Variants in TMEM181 observed in about 807,000 individuals in gnomAD.
The protein encoded by TMEM181 is transmembrane protein 181, also known as G protein-coupled receptor 178.
In TMEM181, 39 loss-of-function variants were observed where a neutral mutation model predicts 71.9. The observed-to-expected ratio is 0.54, with a 90% CI of 0.42 to 0.71. The LOEUF is 0.71. Among genes scored for constraint, TMEM181 ranks in the 30% least tolerant of loss-of-function variants. TMEM181 has a pLI of 0.00. For missense variants in TMEM181, 595 were observed against 583.0 expected (o/e 1.02, Z -0.21); for synonymous variants, 245 against 228.8 (o/e 1.07, Z -0.64).
Position 158,601,796 on chromosome 6 carries a change from A to G in TMEM181, c.493-3471A>G, listed in dbSNP as rs137992490. On this transcript the variant is annotated intron_variant, in intron 6 of 16. Transcript: ENST00000684151. ...AAAAACAAGGCTAAAAGGATACAAA[A>G]ATTATGTGAAGTAGGTTACTAGCAT... 5.9e-5 allele frequency among the ~76,000 whole-genome samples: 9 copies of G among 152,174 alleles called. No homozygotes were observed. The East Asian group carries it at 1.7e-3, about 29-fold the overall frequency.
rs555580494 is a variant in TMEM181 at position 158,602,563 on chromosome 6, A to C, written c.493-2704A>C. ...CAGTCTTTTGAATTTTGGCTGTTCT[A>C]ATCGGTGTATAATGGTATTTAATGG... On this transcript the variant is annotated intron_variant, in intron 6 of 16. Coordinates refer to ENST00000684151, the MANE Select transcript of TMEM181 (RefSeq NM_001376852.1). Among the ~76,000 whole-genome samples, 16 of 152,086 alleles carry C rather than the reference A, an allele frequency of 1.1e-4. No individual in the cohort carries two copies. In the East Asian group the frequency reaches 1.9e-3, roughly 18 times the overall value.
intron 1 of TMEM181, among the ~76,000 whole-genome samples, chr6:158,550,253 C>G (rs1781675194): frequency 6.6e-6 from 1 of 151,096 alleles, no homozygotes; most frequent in Non-Finnish European, 1.5e-5. Context: ...CCATGTTGGT[C>G]AGGCTGGTCT....
intron 1 of TMEM181, among the ~76,000 whole-genome samples, chr6:158,538,979 A>G (rs1357201994): frequency 1.3e-5 from 2 of 152,228 alleles, no homozygotes; most frequent in African/African-American, 4.8e-5. Flanking sequence ...AGAGCCTTGA[A>G]GGTCAGACTA....
intron 3 of TMEM181, among the ~76,000 whole-genome samples, chr6:158,581,253 A>G (rs150598013): frequency 6.6e-6 from 1 of 152,198 alleles, no homozygotes. Flanking sequence ...TTCATTTCCA[A>G]AGAGTGGCTA....
At chr6:158,619,297 C>T (rs1027669408) in intron 10 of TMEM181, among the ~76,000 whole-genome samples, 5 of 152,202 alleles carry the variant, frequency 3.3e-5, no homozygotes, top group African/African-American at 9.7e-5. Flanking sequence ...GCTACTGAAG[C>T]TTGTGCATGC....
upstream of TMEM181, chr6:158,559,941 C>A: frequency 3.9e-6 from 2 of 519,098 alleles, no homozygotes; most frequent in Non-Finnish European, 4.9e-6. Context: ...AGCCTGGGTG[C>A]TCCCGGCCGT....
chr6:158,552,442 G>A (rs1781748637), intron 1 of TMEM181, among the ~76,000 whole-genome samples: 1 of 152,154 alleles, frequency 6.6e-6, no homozygotes, highest in Admixed American at 6.5e-5. Context: ...TACATTGAGC[G>A]AGGAATACAT....
At chr6:158,622,548 G>A (rs1470052355) in intron 10 of TMEM181, among the ~76,000 whole-genome samples, 1 of 152,214 alleles carries the variant, frequency 6.6e-6, no homozygotes, top group East Asian at 1.9e-4. Context: ...GATGGTGCAG[G>A]ATGTCATCGT....
At chr6:158,559,245 CCTAA>C (rs1333745401), upstream of TMEM181, among the ~76,000 whole-genome samples, 5 of 152,290 alleles carry the variant, frequency 3.3e-5, no homozygotes, top group South Asian at 4.1e-4. Flanking sequence ...GCTAAGGCTA[CCTAA>C]CTTACTGTTG....
chr6:158,630,630 A>C (rs1298770471), intron 15 of TMEM181, among the ~76,000 whole-genome samples: 1 of 151,994 alleles, frequency 6.6e-6, no homozygotes, highest in African/African-American at 2.4e-5. Flanking sequence ...TTTTGACTTC[A>C]CGATATTTTC....
intron 2 of TMEM181, 60 bp from the exon 3 acceptor site, chr6:158,580,880 A>G (rs1783431924): frequency 6.6e-7 from 1 of 1,509,156 alleles, no homozygotes. Context: ...AATTTGGAAA[A>G]AAATACTAAA....
chr6:158,621,236 C>CCAG lies in TMEM181; in HGVS notation c.897-2312_897-2310dup, dbSNP rs1297657938. On this transcript the variant is annotated intron_variant, in intron 10 of 16. Coordinates refer to ENST00000684151, the MANE Select transcript of TMEM181 (RefSeq NM_001376852.1). The stretch of plus-strand genomic sequence containing the variant: ...GAGACTTTCCCCTCTCTGTCTGTGC[C>CCAG]CAGCTGTGTTATCTGTGTTTTACTA... 2.0e-5 allele frequency among the ~76,000 whole-genome samples: 3 copies of CCAG among 152,286 alleles called. No homozygotes were observed. In the East Asian group the frequency reaches 5.8e-4, roughly 29 times the overall value.
In TMEM181 at chr6:158,560,109, C is replaced by T. The variant is rs909683328; in HGVS notation, c.-116C>T. 1.0e-6 allele frequency: 1 copy of T among 984,904 alleles called. No homozygotes were observed. 61.0% of individuals were successfully genotyped at this position (984,904 alleles called of 1,614,324 possible). A position where few individuals can be genotyped will look rare whatever the true frequency, so the allele number is the denominator to read the frequency against. Reference sequence around the variant, plus strand: ...CTCTGATGAGTTTTCCGCGGCCGGCCGCTGCTCAGCCGCTGTCGCTCCGGC... The same window carrying T: ...CTCTGATGAGTTTTCCGCGGCCGGCTGCTGCTCAGCCGCTGTCGCTCCGGC... On this transcript the variant is annotated 5_prime_UTR_variant, in exon 1 of 17. Transcript: ENST00000684151.
chr6:158,631,131 A>AGGCCAGGCC (rs1786640047), intron 15 of TMEM181, among the ~76,000 whole-genome samples, 192 bp from the exon 16 acceptor site: 1 of 152,246 alleles, frequency 6.6e-6, no homozygotes, highest in African/African-American at 2.4e-5. Context: ...CCTGCCAGGC[A>AGGCCAGGCC]GGCCAGGCCA....
chr6:158,617,773 T>G (rs1014810498), intron 10 of TMEM181, among the ~76,000 whole-genome samples: 1 of 152,240 alleles, frequency 6.6e-6, no homozygotes, highest in Admixed American at 6.5e-5. Flanking sequence ...TCAGTTCCCA[T>G]GTAGTTGTGA....
chr6:158,580,223 G>A (rs1199252748), intron 2 of TMEM181, among the ~76,000 whole-genome samples: 8 of 152,138 alleles, frequency 5.3e-5, no homozygotes, highest in African/African-American at 1.9e-4. Context: ...CCAGTTACTC[G>A]GGAGGCTGAG....
At chr6:158,571,260 CTA>C in intron 1 of TMEM181, among the ~76,000 whole-genome samples, 1 of 151,990 alleles carries the variant, frequency 6.6e-6, no homozygotes, top group Admixed American at 6.5e-5. Flanking sequence ...CCGCGCCCGG[CTA>C]ATTTTTTGTG....
chr6:158,566,691 G>T (rs1004313042), intron 1 of TMEM181, among the ~76,000 whole-genome samples: 1 of 150,432 alleles, frequency 6.6e-6, no homozygotes, highest in African/African-American at 2.4e-5. Context: ...GGAGATGATG[G>T]TGAAGAGTTG....
Position 158,629,746 on chromosome 6 carries a change from T to G in TMEM181, c.1209T>G (p.Ser403=). Reference sequence around the variant, plus strand: ...CAGCACCACCAGCCGAGTTCTTATCTTTCTATGGCCTGTTGAACTTCTATC... The same window carrying G: ...CAGCACCACCAGCCGAGTTCTTATCGTTCTATGGCCTGTTGAACTTCTATC... ...THYQNSAEFL[S]FYGLLNFYLY... The change falls in exon 15 of 17, where the codon TCT becomes TCG. Residue 403 remains serine, a synonymous_variant. Transcript: ENST00000684151. The G allele has an allele frequency of 6.2e-7, 1 of 1,611,080 alleles. No homozygotes were observed. The highest frequency in any genetic ancestry group is 2.2e-5 in the East Asian group (1 of 44,684).
Sources: gnomAD v4.1 joint callset for allele counts (sites outside exome capture counted in the v4.1 genomes callset) on GRCh38, gnomAD v4.1.1 for gene constraint, MANE v1.5 for transcripts, NCBI Gene and HGNC (gene_info 2026-07-23, HGNC 2026-07-21) for gene names.